Variants in TMOD1 observed in about 807,000 individuals in gnomAD.
TMOD1 encodes tropomodulin-1.
TMOD1 carries 17 observed loss-of-function variants against 40.6 expected under a neutral mutation model. That is an observed-to-expected ratio of 0.42 (90% CI 0.29 to 0.63). TMOD1 has a LOEUF of 0.63. Among genes scored for constraint, TMOD1 ranks in the 20% least tolerant of loss-of-function variants. TMOD1 has a pLI of 0.22. For missense variants in TMOD1, 391 were observed against 447.6 expected (o/e 0.87, Z 1.14); for synonymous variants, 181 against 175.0 (o/e 1.03, Z -0.27).
Position 97,534,819 on chromosome 9 carries a change from T to C in TMOD1, c.120+10511T>C, listed in dbSNP as rs531790448. The stretch of plus-strand genomic sequence containing the variant: ...GAACTGGCAAGATGCCTAGGGGAGT[T>C]TGGAGCAAGATTCACCAGGTCAGTT... On this transcript the variant is annotated intron_variant, in intron 2 of 9. Coordinates refer to ENST00000259365, the MANE Select transcript of TMOD1 (RefSeq NM_003275.4). 8.7e-4 allele frequency among the ~76,000 whole-genome samples: 133 copies of C among 152,180 alleles called. 1 individual carries two copies. Among genetic ancestry groups the C allele is most frequent in the African/African-American group, 3.1e-3 (129 of 41,526 alleles).
At chr9:97,559,792 AAAATATATATATATATAT>A (rs1208468141) in intron 4 of TMOD1, among the ~76,000 whole-genome samples, 1 of 35,088 alleles carries the variant, frequency 2.8e-5, no homozygotes, top group African/African-American at 1.3e-4. Context: ...AAAAAAAAAA[AAAATATATATATATATAT>A]ATATATATAT....
At chr9:97,518,845 G>A (rs900531435) in intron 1 of TMOD1, among the ~76,000 whole-genome samples, 1 of 152,168 alleles carries the variant, frequency 6.6e-6, no homozygotes, top group African/African-American at 2.4e-5. Flanking sequence ...TTAGTGTAGA[G>A]GGAACCTGAC....
chr9:97,553,970 C>G (rs1428869512), intron 4 of TMOD1, among the ~76,000 whole-genome samples: 2 of 152,124 alleles, frequency 1.3e-5, no homozygotes, highest in African/African-American at 4.8e-5. Context: ...AGCCCTTTGC[C>G]CCACTCCCTG....
chr9:97,600,649 A>ACTT lies in TMOD1; in HGVS notation c.*952_*954dup. On this transcript the variant is annotated 3_prime_UTR_variant, in exon 10 of 10. Coordinates refer to ENST00000259365, the MANE Select transcript of TMOD1 (RefSeq NM_003275.4). ...AGAGACTTCAGCTACTGATCTCATC[A>ACTT]CTTATTAGACAAATTGCTGCTGACC... 1 of 990,510 alleles carries ACTT rather than the reference A, an allele frequency of 1.0e-6. No individual in the cohort carries two copies. Among genetic ancestry groups the ACTT allele is most frequent in the South Asian group, 4.6e-5 (1 of 21,846 alleles). 61.4% of individuals were successfully genotyped at this position (990,510 alleles called of 1,614,324 possible).
At chr9:97,575,032 A>G (rs371449946) in intron 8 of TMOD1, among the ~76,000 whole-genome samples, 4 of 152,196 alleles carry the variant, frequency 2.6e-5, no homozygotes, top group Non-Finnish European at 4.4e-5. Context: ...GCTGCCGGAT[A>G]ACGCAGTGGC....
intron 5 of TMOD1, among the ~76,000 whole-genome samples, chr9:97,563,550 C>T (rs536888488): frequency 6.6e-6 from 1 of 152,294 alleles, no homozygotes; most frequent in African/African-American, 2.4e-5. Flanking sequence ...GTTTCATGAG[C>T]CCTTTTGTCC....
In TMOD1 at chr9:97,553,409, C is replaced by T. The variant is rs749786129; in HGVS notation, c.397+9C>T. 1.4e-5 allele frequency: 22 copies of T among 1,613,980 alleles called. No individual in the cohort carries two copies. The highest frequency in any genetic ancestry group is 3.3e-5 in the Admixed American group (2 of 59,994). The stretch of plus-strand genomic sequence containing the variant: ...ACTCTGTGACATTGCAGGTAAGAGG[C>T]GTTCCAGGAGCTTTCCACATCCTCC... On this transcript the variant is annotated intron_variant, in intron 4 of 9. Coordinates refer to ENST00000259365, the MANE Select transcript of TMOD1 (RefSeq NM_003275.4).
chr9:97,514,119 C>G (rs1364652195), intron 1 of TMOD1, among the ~76,000 whole-genome samples: 2 of 151,826 alleles, frequency 1.3e-5, no homozygotes, highest in African/African-American at 4.8e-5. Flanking sequence ...TGGAGCACAG[C>G]AGCACGATCT....
At chr9:97,506,314 C>T (rs999521209) in intron 1 of TMOD1, among the ~76,000 whole-genome samples, 11 of 152,212 alleles carry the variant, frequency 7.2e-5, no homozygotes, top group South Asian at 2.1e-4. Context: ...TCCCTGAGGA[C>T]GAGGTTTCTG....
chr9:97,531,245 C>G (rs1479450955), intron 2 of TMOD1, among the ~76,000 whole-genome samples: 1 of 152,076 alleles, frequency 6.6e-6, no homozygotes, highest in Admixed American at 6.6e-5. Context: ...AAATAGGTTC[C>G]CAGAATCACA....
intron 1 of TMOD1, among the ~76,000 whole-genome samples, chr9:97,517,336 G>A (rs12552809): frequency 0.82 from 122,148 of 149,872 alleles, 50,326 homozygotes; most frequent in African/African-American, 0.95. Context: ...GGTGATGGGG[G>A]AAAAAAAAAA....
chr9:97,557,870 T>TA lies in TMOD1; in HGVS notation c.397+4485dup, dbSNP rs908512113. ...TTGAGTTTTGAGGAAGATCTAGACTTAAAAAAAAAAAAAAATCAAGTTCCC... is the reference window on the plus strand; with the variant it reads ...TTGAGTTTTGAGGAAGATCTAGACTTAAAAAAAAAAAAAAAATCAAGTTCCC... On this transcript the variant is annotated intron_variant, in intron 4 of 9. Coordinates refer to ENST00000259365, the MANE Select transcript of TMOD1 (RefSeq NM_003275.4). The surrounding 1 kb of genome is among the most constrained non-coding windows in gnomAD (Gnocchi z 4.4). Among the ~76,000 whole-genome samples, 451 of 142,044 alleles carry TA rather than the reference T, an allele frequency of 3.2e-3. 2 individuals carry two copies. Among genetic ancestry groups the TA allele is most frequent in the Middle Eastern group, 7.2e-3 (2 of 278 alleles). The allele number at this position is 142,044 out of a possible 152,430, so 93.2% of individuals were successfully genotyped here.
In TMOD1 at chr9:97,599,623, T is replaced by G; in HGVS notation, c.1016-11T>G. On this transcript the variant is annotated splice_polypyrimidine_tract_variant and intron_variant, in intron 9 of 9. Transcript: ENST00000259365. ...AAAAGTGCCTTATATCTTATCTCCA[T>G]TCCTTTCCAGTGAGGAAGAGGAGGC... The G allele has an allele frequency of 6.2e-7, 1 of 1,614,092 alleles. No homozygotes were observed. The highest frequency in any genetic ancestry group is 1.1e-5 in the South Asian group (1 of 91,086).
intron 4 of TMOD1, among the ~76,000 whole-genome samples, chr9:97,559,819 A>ATGTC (rs1420899902): frequency 5.1e-4 from 21 of 41,326 alleles, no homozygotes; most frequent in African/African-American, 1.9e-3. Flanking sequence ...ATATATATAT[A>ATGTC]TATATGTCTA....
At chr9:97,531,038 C>CT (rs1159732389) in intron 2 of TMOD1, among the ~76,000 whole-genome samples, 3 of 118,020 alleles carry the variant, frequency 2.5e-5, no homozygotes, top group African/African-American at 1.2e-4. Flanking sequence ...TCCACACCCA[C>CT]CCCCCCCACC....
At position 97,564,040 on chromosome 9, in the gene TMOD1, G is replaced by A. The variant is rs752063527; in HGVS notation, c.490G>A (p.Val164Met). 26 of 1,613,694 alleles carry A rather than the reference G, an allele frequency of 1.6e-5. No individual in the cohort carries two copies. Among genetic ancestry groups the A allele is most frequent in the African/African-American group, 8.0e-5 (6 of 74,848 alleles). ...CTCCCTTTCATCGGTCACTCTAGGC[G>A]TGATTAAACCCACACAATACAAGCC... ...SIMNKEGLNS[V>M]IKPTQYKPVP... Residue 164 changes from valine (V) to methionine (M), a missense_variant and splice_region_variant, in exon 6 of 10, where the codon GTG becomes ATG. Coordinates refer to ENST00000259365, the MANE Select transcript of TMOD1 (RefSeq NM_003275.4).
intron 9 of TMOD1, among the ~76,000 whole-genome samples, chr9:97,592,650 C>T (rs142027900): frequency 7.2e-5 from 11 of 152,250 alleles, no homozygotes; most frequent in African/African-American, 2.2e-4. Context: ...TGGAAGCCCT[C>T]GAAGAACAGA....
Position 97,599,640 on chromosome 9 carries a change from AGAG to A in TMOD1, c.1027_1029del (p.Arg343del). Reference sequence around the variant, plus strand: ...TATCTCCATTCCTTTCCAGTGAGGAAGAGGAGGCTTGCGGACCTGACTGGGCCC... The same window carrying A: ...TATCTCCATTCCTTTCCAGTGAGGAAGAGGCTTGCGGACCTGACTGGGCCC... On this transcript the variant is annotated inframe_deletion, in exon 10 of 10. Transcript: ENST00000259365. 1 of 1,614,140 alleles carries A rather than the reference AGAG, an allele frequency of 6.2e-7. No individual in the cohort carries two copies. The highest frequency in any genetic ancestry group is 8.5e-7 in the Non-Finnish European group (1 of 1,179,998).
intron 8 of TMOD1, among the ~76,000 whole-genome samples, chr9:97,587,079 C>G (rs904928476): frequency 2.0e-5 from 3 of 152,222 alleles, no homozygotes; most frequent in African/African-American, 7.2e-5. Flanking sequence ...GTTGCATGTA[C>G]CAATCGTTTG....
Sources: allele counts gnomAD v4.1 joint callset (sites outside exome capture counted in the v4.1 genomes callset), GRCh38; gene constraint gnomAD v4.1.1; non-coding constraint Gnocchi (gnomAD v3.1); transcripts MANE v1.5; gene names NCBI Gene and HGNC (gene_info 2026-07-23, HGNC 2026-07-21).